The following PABPN1L variants were observed in gnomAD, a reference collection of about 807,000 sequenced individuals.
PABPN1L encodes embryonic polyadenylate-binding protein 2.
Under a neutral mutation model 34.0 loss-of-function variants are expected in PABPN1L, and 45 were observed. The observed-to-expected ratio is 1.32, with a 90% CI of 1.04 to 1.70. PABPN1L has a LOEUF of 1.70. PABPN1L is among the 40% of genes most tolerant of loss of function. PABPN1L has a pLI of 0.00. For missense variants in PABPN1L, 459 were observed against 367.8 expected (o/e 1.25, Z -2.03); for synonymous variants, 182 against 152.1 (o/e 1.20, Z -1.45).
exon 7 of PABPN1L, chr16:88,863,443 G>A (rs1968493890): frequency 1.9e-6 from 1 of 514,404 alleles, no homozygotes. Context: ...CCAACCCCAA[G>A]CTGGCCTGGC....
chr16:88,868,495 A>G (rs1968642400), upstream of PABPN1L, among the ~76,000 whole-genome samples: 1 of 152,162 alleles, frequency 6.6e-6, no homozygotes, highest in African/African-American at 2.4e-5. Flanking sequence ...AATCCCAGAT[A>G]CTTGGGAGGC....
chr16:88,863,979 G>A (rs1968514123), intron 6 of PABPN1L, among the ~76,000 whole-genome samples, 184 bp from the exon 7 acceptor site: 1 of 152,218 alleles, frequency 6.6e-6, no homozygotes, highest in South Asian at 2.1e-4. Context: ...AGGAAAGGCA[G>A]TGCCAGGAGA....
At chr16:88,864,175 T>A (rs1968522630) in intron 6 of PABPN1L, 62 bp downstream of exon 6, 2 of 1,499,658 alleles carry the variant, frequency 1.3e-6, no homozygotes, top group South Asian at 2.5e-5. Context: ...GACCCCCTCC[T>A]GCCCCTGATG....
chr16:88,863,508 C>A, exon 7 of PABPN1L: 1 of 602,228 alleles, frequency 1.7e-6, no homozygotes, highest in South Asian at 1.9e-5. Context: ...CCGCAGATCC[C>A]CGTGGGGCCC....
intron 5 of PABPN1L, among the ~76,000 whole-genome samples, 169 bp from the exon 6 acceptor site, chr16:88,864,548 G>A (rs999425555): frequency 1.5e-5 from 2 of 132,970 alleles, no homozygotes; most frequent in African/African-American, 3.1e-5. Context: ...ATGACACCCC[G>A]TCACGGCCAG....
At chr16:88,863,697 C>T in exon 7 of PABPN1L, 1 of 1,522,436 alleles carries the variant, frequency 6.6e-7, no homozygotes, top group East Asian at 2.4e-5. Flanking sequence ...CAGGATGGAG[C>T]ACAAGTGGTT....
exon 7 of PABPN1L, chr16:88,863,473 C>T (rs1231089334): frequency 1.3e-5 from 7 of 559,470 alleles, no homozygotes; most frequent in Non-Finnish European, 1.9e-5. Context: ...GACTCTGCTC[C>T]TCCCCTCCCT....
upstream of PABPN1L, among the ~76,000 whole-genome samples, chr16:88,868,372 G>A (rs1968640379): frequency 6.6e-6 from 1 of 152,158 alleles, no homozygotes; most frequent in Admixed American, 6.5e-5. Flanking sequence ...GGAGGCCGAG[G>A]TGAGCGGATC....
upstream of PABPN1L, among the ~76,000 whole-genome samples, chr16:88,869,823 G>A (rs1474918700): frequency 6.6e-6 from 1 of 152,236 alleles, no homozygotes; most frequent in Non-Finnish European, 1.5e-5. Flanking sequence ...CACAAGGCCC[G>A]GCCAGGGCTC....
exon 7 of PABPN1L, chr16:88,863,735 T>C (rs996461959): frequency 1.6e-5 from 25 of 1,535,842 alleles, no homozygotes; most frequent in Non-Finnish European, 2.2e-5. Context: ...CCAGCCCCTC[T>C]CTCAAAATCG....
chr16:88,866,546 C>T (rs1355319784), exon 1 of PABPN1L: 4 of 1,551,798 alleles, frequency 2.6e-6, no homozygotes, highest in Non-Finnish European at 3.5e-6. Flanking sequence ...TCTGAGGAGA[C>T]CGTCTGGAGC....
At chr16:88,868,693 AG>A (rs1567565932), upstream of PABPN1L, among the ~76,000 whole-genome samples, 1 of 152,020 alleles carries the variant, frequency 6.6e-6, no homozygotes, top group East Asian at 1.9e-4. Flanking sequence ...CAGGAAGGAA[AG>A]AAAAGGGAGG....
chr16:88,868,964 T>C (rs1968651951), upstream of PABPN1L, among the ~76,000 whole-genome samples: 1 of 152,196 alleles, frequency 6.6e-6, no homozygotes, highest in Non-Finnish European at 1.5e-5. Flanking sequence ...GATCACACTA[T>C]CTGGGTGGGA....
chr16:88,864,337 C>T, exon 6 of PABPN1L: 2 of 1,555,684 alleles, frequency 1.3e-6, no homozygotes, highest in Non-Finnish European at 1.7e-6. Context: ...CCCCCGCGGT[C>T]TGTGGAGCTG....
At chr16:88,863,570 G>A in exon 7 of PABPN1L, 1 of 775,888 alleles carries the variant, frequency 1.3e-6, no homozygotes, top group Non-Finnish European at 2.2e-6. Context: ...GTGGCCTTGG[G>A]TCTGGACCAC....
intron 5 of PABPN1L, among the ~76,000 whole-genome samples, 193 bp from the exon 6 acceptor site, chr16:88,864,572 GGGGGGGTC>G (rs1968540062): frequency 7.6e-6 from 1 of 131,684 alleles, no homozygotes. Context: ...CCCTGCAGAG[GGGGGGGTC>G]ACGGCCAGCA....
At chr16:88,865,412 C>T (rs1007274876) in intron 3 of PABPN1L, 151 bp downstream of exon 3, 7 of 969,574 alleles carry the variant, frequency 7.2e-6, no homozygotes, top group Non-Finnish European at 7.6e-6. Context: ...GAATATGTGC[C>T]CAGGCCAGTG....
chr16:88,864,743 C>G (rs1217105664), intron 5 of PABPN1L, 110 bp downstream of exon 5: 1 of 1,231,232 alleles, frequency 8.1e-7, no homozygotes, highest in South Asian at 1.4e-5. Flanking sequence ...AAGCACCGTG[C>G]CTGAGACACG....
exon 1 of PABPN1L, chr16:88,866,617 C>T (rs1359587587): frequency 1.3e-6 from 2 of 1,528,546 alleles, no homozygotes; most frequent in East Asian, 2.5e-5. Context: ...GGTAGAGGGG[C>T]AGGAGGAAGG....
Sources: gnomAD v4.1 joint callset for allele counts (sites outside exome capture counted in the v4.1 genomes callset) on GRCh38, gnomAD v4.1.1 for gene constraint, MANE v1.5 for transcripts, NCBI Gene and HGNC (gene_info 2026-07-23, HGNC 2026-07-21) for gene names.